The following EYS variants were observed in gnomAD, a reference collection of about 807,000 sequenced individuals.
EYS encodes the protein EGF-like photoreceptor maintenance factor.
A neutral mutation model predicts 282.1 loss-of-function variants in EYS; 250 were observed. The ratio of observed to expected loss-of-function variants is 0.89; its 90% confidence interval spans 0.80 to 0.98. The LOEUF is 0.98. EYS is among the 50% of genes least tolerant of loss of function. The pLI is 0.00. For missense variants in EYS, 4,016 were observed against 3,709.0 expected (o/e 1.08, Z -2.15); for synonymous variants, 1,355 against 1,282.9 (o/e 1.06, Z -1.20).
At chr6:64,479,402 T>G (rs1002885718) in intron 26 of EYS, among the ~76,000 whole-genome samples, 1 of 151,944 alleles carries the variant, frequency 6.6e-6, no homozygotes, top group African/African-American at 2.4e-5. Flanking sequence ...TTTCAAAGAA[T>G]GTCACTTTCT....
chr6:65,422,242 A>G (rs916281846), intron 5 of EYS, among the ~76,000 whole-genome samples: 11 of 151,952 alleles, frequency 7.2e-5, no homozygotes, highest in African/African-American at 2.2e-4. Flanking sequence ...GCACATTTTT[A>G]GAGCATGGAA....
rs192421496 is a variant in EYS at position 64,431,049 on chromosome 6, C to T, written c.5927+5125G>A. 1.4e-4 allele frequency among the ~76,000 whole-genome samples: 22 copies of T among 152,230 alleles called. No individual in the cohort carries two copies. In the East Asian group the frequency reaches 3.7e-3, roughly 25 times the overall value. On this transcript the variant is annotated intron_variant, in intron 28 of 42. Coordinates refer to ENST00000503581, the MANE Select transcript of EYS (RefSeq NM_001142800.2). ...TAGAGGAAGAGAGGAGTTATCAGAA[C>T]AGAGTAGAGGGCCATTTGCCAGGAG...
chr6:65,487,263 G>A (rs35298420), intron 5 of EYS, among the ~76,000 whole-genome samples: 1 of 152,104 alleles, frequency 6.6e-6, no homozygotes, highest in African/African-American at 2.4e-5. Flanking sequence ...GTTTTCAAAG[G>A]GAATGCTTCC....
intron 26 of EYS, among the ~76,000 whole-genome samples, chr6:64,486,807 G>C (rs919081031): frequency 1.3e-4 from 20 of 151,408 alleles, no homozygotes; most frequent in Admixed American, 1.3e-3. Flanking sequence ...ATGAACTTTG[G>C]AAGGCTTTTA....
chr6:64,507,350 G>T (rs1420912774), intron 26 of EYS, among the ~76,000 whole-genome samples: 1 of 152,090 alleles, frequency 6.6e-6, no homozygotes, highest in Non-Finnish European at 1.5e-5. Context: ...GATGAGAGAA[G>T]AAAATGAAGT....
intron 2 of EYS, among the ~76,000 whole-genome samples, chr6:65,634,416 C>T (rs772276772): frequency 1.3e-5 from 2 of 152,126 alleles, no homozygotes; most frequent in Non-Finnish European, 2.9e-5. Context: ...CATGTTAAGG[C>T]CACTAAATAT....
intron 37 of EYS, 74 bp from the exon 38 acceptor site, chr6:63,789,298 C>A: frequency 7.0e-7 from 1 of 1,422,156 alleles, no homozygotes; most frequent in South Asian, 1.3e-5. Context: ...ATTTTACTGA[C>A]TGGTTCTGAA....
At chr6:64,505,225 C>G (rs917434890) in intron 26 of EYS, among the ~76,000 whole-genome samples, 2 of 152,134 alleles carry the variant, frequency 1.3e-5, no homozygotes, top group African/African-American at 4.8e-5. Flanking sequence ...GAAGGCTAGG[C>G]AATTCAGAGC....
At chr6:65,011,175 G>A (rs1022971887) in intron 13 of EYS, among the ~76,000 whole-genome samples, 1 of 152,138 alleles carries the variant, frequency 6.6e-6, no homozygotes, top group African/African-American at 2.4e-5. Flanking sequence ...GCTAACCAAT[G>A]GAAATTACTT....
At chr6:64,757,549 A>C (rs754071962) in intron 22 of EYS, among the ~76,000 whole-genome samples, 1 of 152,058 alleles carries the variant, frequency 6.6e-6, no homozygotes, top group Non-Finnish European at 1.5e-5. Flanking sequence ...TCACGTCTTA[A>C]TTTGTATCAT....
intron 32 of EYS, 122 bp downstream of exon 32, chr6:64,081,734 T>C (rs1363243766): frequency 4.1e-6 from 3 of 739,758 alleles, no homozygotes; most frequent in Non-Finnish European, 6.2e-6. Context: ...TCTTTGGTAA[T>C]GCTTCATGCA....
At chr6:64,658,593 G>T (rs1251895435) in intron 22 of EYS, among the ~76,000 whole-genome samples, 1 of 152,216 alleles carries the variant, frequency 6.6e-6, no homozygotes, top group Admixed American at 6.5e-5. Context: ...TCAGCTGGAG[G>T]TCTGTTGGAG....
At chr6:63,894,581 G>GTT (rs1224816818) in intron 35 of EYS, among the ~76,000 whole-genome samples, 1 of 151,324 alleles carries the variant, frequency 6.6e-6, no homozygotes, top group Non-Finnish European at 1.5e-5. Context: ...TTTTTTGTTT[G>GTT]TTTGTTTGTT....
intron 31 of EYS, among the ~76,000 whole-genome samples, chr6:64,115,568 A>C (rs1773352759): frequency 6.6e-6 from 1 of 152,170 alleles, no homozygotes; most frequent in South Asian, 2.1e-4. Flanking sequence ...GATCCCTGCA[A>C]TCTTTGCCAG....
intron 15 of EYS, among the ~76,000 whole-genome samples, chr6:64,931,270 C>T (rs575157428): frequency 6.6e-6 from 1 of 152,022 alleles, no homozygotes; most frequent in Non-Finnish European, 1.5e-5. Context: ...TTTAAGTGTT[C>T]ATTATGGTAT....
intron 14 of EYS, among the ~76,000 whole-genome samples, chr6:64,970,657 T>A (rs1770258036): frequency 6.6e-6 from 1 of 152,188 alleles, no homozygotes; most frequent in South Asian, 2.1e-4. Context: ...TCAAAGTTCT[T>A]ATAGATTTTT....
At chr6:64,705,891 C>T (rs937868922) in intron 22 of EYS, among the ~76,000 whole-genome samples, 4 of 147,966 alleles carry the variant, frequency 2.7e-5, no homozygotes, top group East Asian at 4.0e-4. Context: ...TGCTAGATGA[C>T]GAGTTAGAGG....
Position 64,131,803 on chromosome 6 carries a change from T to C in EYS, c.6425-49801A>G, listed in dbSNP as rs529101980. The stretch of plus-strand genomic sequence containing the variant: ...CTCTTGCTGAGAGTTACACTTCAAA[T>C]AGTAACATACTACTTTGCAGAAATC... On this transcript the variant is annotated intron_variant, in intron 31 of 42. Coordinates refer to ENST00000503581, the MANE Select transcript of EYS (RefSeq NM_001142800.2). Among the ~76,000 whole-genome samples, 5 of 152,286 alleles carry C rather than the reference T, an allele frequency of 3.3e-5. No homozygotes were observed. The South Asian group carries it at 1.0e-3, about 32-fold the overall frequency.
At chr6:64,002,133 A>G (rs1768125027) in intron 33 of EYS, among the ~76,000 whole-genome samples, 1 of 152,220 alleles carries the variant, frequency 6.6e-6, no homozygotes, top group South Asian at 2.1e-4. Context: ...TAGCAGAGAA[A>G]GAGAGAATAG....
Sources: gnomAD v4.1 joint callset for allele counts (sites outside exome capture counted in the v4.1 genomes callset) on GRCh38, gnomAD v4.1.1 for gene constraint, MANE v1.5 for transcripts, NCBI Gene and HGNC (gene_info 2026-07-23, HGNC 2026-07-21) for gene names.